Variants in GRIA1 observed in about 807,000 individuals in gnomAD.
The protein encoded by GRIA1 is glutamate ionotropic receptor AMPA type subunit 1, also known as glutamate receptor 1.
In GRIA1, 31 loss-of-function variants were observed where a neutral mutation model predicts 99.2. The ratio of observed to expected loss-of-function variants is 0.31; its 90% CI spans 0.23 to 0.42. GRIA1 has a LOEUF of 0.42. Among genes scored for constraint, GRIA1 ranks in the 10% least tolerant of loss-of-function variants. The pLI, the probability that GRIA1 is intolerant of heterozygous loss-of-function variation, is 1.00. For missense variants in GRIA1, 782 were observed against 1,157.5 expected, an observed-to-expected ratio of 0.68 and a Z score of 4.71; for synonymous variants, 438 against 432.4, an observed-to-expected ratio of 1.01 and a Z score of -0.16.
chr5:153,713,443 C>A (rs529361360), intron 11 of GRIA1, among the ~76,000 whole-genome samples: 5 of 152,314 alleles, frequency 3.3e-5, no homozygotes, highest in Admixed American at 3.3e-4. Flanking sequence ...TGTGGAACTC[C>A]AGATCAGTGG....
At chr5:153,699,457 T>C (rs1041770149) in intron 10 of GRIA1, among the ~76,000 whole-genome samples, 4 of 152,226 alleles carry the variant, frequency 2.6e-5, no homozygotes, top group Non-Finnish European at 5.9e-5. Flanking sequence ...TCTAGTTACT[T>C]GCCTCTCTAG....
At chr5:153,647,751 GCTTT>G (rs1194502413) in intron 3 of GRIA1, among the ~76,000 whole-genome samples, 2 of 152,124 alleles carry the variant, frequency 1.3e-5, no homozygotes, top group East Asian at 1.9e-4. Flanking sequence ...CCTTCTCTGG[GCTTT>G]CTAATTCTTC....
At chr5:153,645,489 A>C (rs1754080786) in intron 2 of GRIA1, among the ~76,000 whole-genome samples, 1 of 152,226 alleles carries the variant, frequency 6.6e-6, no homozygotes, top group Non-Finnish European at 1.5e-5. Context: ...CACCAAAAAA[A>C]GGTCTTGGAG....
intron 9 of GRIA1, 33 bp downstream of exon 9, chr5:153,698,187 G>C (rs1169361464): frequency 8.3e-7 from 1 of 1,204,574 alleles, no homozygotes; most frequent in African/African-American, 1.5e-5. Flanking sequence ...AGGTTACTTG[G>C]GATTCAAGCT....
At chr5:153,768,058 A>G (rs1324881051) in intron 12 of GRIA1, among the ~76,000 whole-genome samples, 1 of 152,170 alleles carries the variant, frequency 6.6e-6, no homozygotes, top group Non-Finnish European at 1.5e-5. Context: ...GTCAAATTGC[A>G]TCTTGCAATT....
At chr5:153,757,277 AC>A (rs1356661186) in intron 11 of GRIA1, among the ~76,000 whole-genome samples, 2 of 152,200 alleles carry the variant, frequency 1.3e-5, no homozygotes, top group Non-Finnish European at 2.9e-5. Context: ...ATGAAATAGA[AC>A]AAAGAAAGCT....
intron 14 of GRIA1, among the ~76,000 whole-genome samples, chr5:153,796,804 GT>G (rs897525968): frequency 4.6e-5 from 6 of 129,066 alleles, no homozygotes; most frequent in African/African-American, 1.8e-4. Context: ...CCCCCGGCTT[GT>G]TTTATAATAT....
At chr5:153,803,305 C>A (rs191206281) in intron 15 of GRIA1, among the ~76,000 whole-genome samples, 1 of 152,140 alleles carries the variant, frequency 6.6e-6, no homozygotes, top group African/African-American at 2.4e-5. Flanking sequence ...TGGATTCAAG[C>A]ATCAAAAGGC....
chr5:153,564,404 T>C (rs1011373282), intron 2 of GRIA1, among the ~76,000 whole-genome samples: 4 of 152,166 alleles, frequency 2.6e-5, no homozygotes, highest in Non-Finnish European at 4.4e-5. Context: ...TGTGTATTAT[T>C]TACCTGTTGC....
At chr5:153,760,920 G>A (rs1037324499) in intron 11 of GRIA1, among the ~76,000 whole-genome samples, 1 of 152,060 alleles carries the variant, frequency 6.6e-6, no homozygotes. Context: ...TCAAAAACAT[G>A]CAATGGGGAA....
At chr5:153,784,357 A>G (rs1443435357) in intron 13 of GRIA1, among the ~76,000 whole-genome samples, 1 of 152,046 alleles carries the variant, frequency 6.6e-6, no homozygotes, top group Non-Finnish European at 1.5e-5. Context: ...TCTTTCCTCC[A>G]CCCAGCATGG....
chr5:153,516,927 G>T (rs955136436), intron 2 of GRIA1, among the ~76,000 whole-genome samples: 1 of 152,170 alleles, frequency 6.6e-6, no homozygotes, highest in South Asian at 2.1e-4. Context: ...ATTCATGGCC[G>T]TATTATGAAG....
intron 2 of GRIA1, among the ~76,000 whole-genome samples, chr5:153,544,276 C>T (rs1759410219): frequency 6.6e-6 from 1 of 152,094 alleles, no homozygotes; most frequent in Non-Finnish European, 1.5e-5. Flanking sequence ...GGTGTGATGT[C>T]CCAGGGGAGA....
At position 153,812,671 on chromosome 5, in the gene GRIA1, C is replaced by T. The variant is rs1766897895; in HGVS notation, c.*1446C>T. 6.6e-6 allele frequency: 1 copy of T among 152,110 alleles called. No individual in the cohort carries two copies. The highest frequency in any genetic ancestry group is 2.4e-5 in the African/African-American group (1 of 41,440). The allele number at this position is 152,110 out of a possible 1,614,324, so 9.4% of individuals were successfully genotyped here. ...TCCAATATACGTATGATTGGGGCTA[C>T]AAAGCTGAACTAAAGCAAGATTGGT... On this transcript the variant is annotated 3_prime_UTR_variant, in exon 16 of 16. Transcript: ENST00000285900.
At chr5:153,678,695 A>G (rs1371006262) in intron 7 of GRIA1, among the ~76,000 whole-genome samples, 1 of 152,152 alleles carries the variant, frequency 6.6e-6, no homozygotes, top group African/African-American at 2.4e-5. Flanking sequence ...CAACCCTTCC[A>G]ACTCCCTTGC....
At chr5:153,626,015 A>C (rs1406087332) in intron 2 of GRIA1, among the ~76,000 whole-genome samples, 1 of 152,168 alleles carries the variant, frequency 6.6e-6, no homozygotes, top group Non-Finnish European at 1.5e-5. Flanking sequence ...TCACATAAAC[A>C]AGGCCACCGA....
At position 153,749,912 on chromosome 5, in the gene GRIA1, G is replaced by C. The variant is rs190207404; in HGVS notation, c.1824-14522G>C. Among the ~76,000 whole-genome samples, 7 of 152,174 alleles carry C rather than the reference G, an allele frequency of 4.6e-5. No homozygotes were observed. The East Asian group carries it at 1.4e-3, about 29-fold the overall frequency. On this transcript the variant is annotated intron_variant, in intron 11 of 15. Transcript: ENST00000285900. ...CTGCAAGTGCTAGAATAGTACACCAGCTTACAGAGTACTGGGCTTTCCTTA... is the reference window on the plus strand; with the variant it reads ...CTGCAAGTGCTAGAATAGTACACCACCTTACAGAGTACTGGGCTTTCCTTA...
chr5:153,735,325 G>A (rs2149565120), intron 11 of GRIA1, among the ~76,000 whole-genome samples: 1 of 152,322 alleles, frequency 6.6e-6, no homozygotes, highest in East Asian at 1.9e-4. Flanking sequence ...CCCCAAGTGA[G>A]CAATTCCTGT....
intron 2 of GRIA1, among the ~76,000 whole-genome samples, chr5:153,495,682 A>G (rs1754343677): frequency 1.3e-5 from 2 of 152,166 alleles, no homozygotes; most frequent in Non-Finnish European, 2.9e-5. Context: ...AATCTTATCT[A>G]CTGTGTTACT....
Sources: gnomAD v4.1 joint callset for allele counts (sites outside exome capture counted in the v4.1 genomes callset) on GRCh38, gnomAD v4.1.1 for gene constraint, MANE v1.5 for transcripts, NCBI Gene and HGNC (gene_info 2026-07-23, HGNC 2026-07-21) for gene names.